CENPH: variants seen among roughly 807,000 people sequenced by gnomAD.
CENPH encodes centromere protein H, also known as CENP-H.
A neutral mutation model predicts 42.9 loss-of-function variants in CENPH; 40 were observed. The ratio of observed to expected loss-of-function variants is 0.93; its 90% CI spans 0.72 to 1.21. The LOEUF (loss-of-function observed/expected upper bound fraction) is 1.21, where lower values mean the gene tolerates loss of function less well. Ranked by LOEUF, CENPH falls within the 50% of genes most tolerant of loss-of-function variation. The pLI, the probability that CENPH is intolerant of heterozygous loss-of-function variation, is 0.00. For missense variants in CENPH, 302 were observed against 292.9 expected, an observed-to-expected ratio of 1.03 and a Z score of -0.23; for synonymous variants, 88 against 96.5, an observed-to-expected ratio of 0.91 and a Z score of 0.52.
chr5:69,197,860 C>A (rs974747188), intron 5 of CENPH, among the ~76,000 whole-genome samples: 1 of 147,216 alleles, frequency 6.8e-6, no homozygotes, highest in African/African-American at 2.5e-5. Flanking sequence ...AAAAGACTAG[C>A]AGGTCAGGTC....
intron 7 of CENPH, among the ~76,000 whole-genome samples, chr5:69,206,881 C>CT (rs1748169092): frequency 3.9e-5 from 1 of 25,348 alleles, no homozygotes; most frequent in Admixed American, 4.8e-4. Flanking sequence ...CTTGTCTATT[C>CT]CCCCATGTTT....
Position 69,195,729 on chromosome 5 carries a change from C to T in CENPH, c.252C>T (p.Asp84=), listed in dbSNP as rs1214880995. The T allele has an allele frequency of 6.4e-7, 1 of 1,554,930 alleles. No homozygotes were observed. The highest frequency in any genetic ancestry group is 2.3e-5 in the East Asian group (1 of 44,118). Residue 84 remains aspartate, a synonymous_variant, in exon 4 of 9, where the codon GAC becomes GAT. Transcript: ENST00000283006. Reference sequence around the variant, plus strand: ...GTTTCTTTGATAGTAAAATTGAAGACCTGGAAAATGAAATTGAAGAGGTAA... The same window carrying T: ...GTTTCTTTGATAGTAAAATTGAAGATCTGGAAAATGAAATTGAAGAGGTAA... ...QEKQIEAKIE[D]LENEIEEVKV...
intron 5 of CENPH, among the ~76,000 whole-genome samples, chr5:69,198,765 T>G (rs1748008364): frequency 6.6e-6 from 1 of 151,990 alleles, no homozygotes; most frequent in Non-Finnish European, 1.5e-5. Context: ...AGGCCTCATC[T>G]CTACAAAAAA....
Position 69,189,652 on chromosome 5 carries a change from G to C in CENPH, c.18G>C (p.Gln6His). The change falls in exon 1 of 9, where the codon CAG (glutamine) becomes CAC (histidine). Residue 6 changes from glutamine to histidine, a missense_variant. Gln to His is a conservative substitution (Grantham distance 24). Coordinates refer to ENST00000283006, the MANE Select transcript of CENPH (RefSeq NM_022909.4). Reference sequence around the variant, plus strand: ...AACCAGCAATGGAGGAGCAGCCCCAGATGCAAGACGCCGACGAGCCCGCGG... The same window carrying C: ...AACCAGCAATGGAGGAGCAGCCCCACATGCAAGACGCCGACGAGCCCGCGG... The part of the protein sequence containing the change: MEEQP[Q>H]MQDADEPADS... 1 of 1,601,954 alleles carries C rather than the reference G, an allele frequency of 6.2e-7. No homozygotes were observed. The highest frequency in any genetic ancestry group is 8.5e-7 in the Non-Finnish European group (1 of 1,176,322).
chr5:69,200,717 A>ATTTTTTTTTTTTTTTTT (rs1554058445), intron 5 of CENPH, among the ~76,000 whole-genome samples: 1 of 40,976 alleles, frequency 2.4e-5, no homozygotes. Flanking sequence ...GAATCAGCGT[A>ATTTTTTTTTTTTTTTTT]TCTTTTTTTT....
chr5:69,202,646 T>C, intron 6 of CENPH, 77 bp downstream of exon 6: 1 of 862,944 alleles, frequency 1.2e-6, no homozygotes, highest in South Asian at 1.5e-5. Context: ...GTATTGTATA[T>C]GATTAAATAG....
chr5:69,197,791 TTAAAG>T (rs539189825), intron 5 of CENPH, among the ~76,000 whole-genome samples: 56 of 150,462 alleles, frequency 3.7e-4, no homozygotes, highest in African/African-American at 1.3e-3. Flanking sequence ...ACCTTAAAAC[TTAAAG>T]TATAATAATA....
chr5:69,195,924 A>C (rs567040501), intron 4 of CENPH, 133 bp downstream of exon 4: 3 of 571,542 alleles, frequency 5.2e-6, no homozygotes, highest in Non-Finnish European at 9.3e-6. Flanking sequence ...TGGTCACACA[A>C]AATTTTTATT....
At chr5:69,194,453 G>T (rs1747930577) in intron 2 of CENPH, among the ~76,000 whole-genome samples, 194 bp from the exon 3 acceptor site, 1 of 152,170 alleles carries the variant, frequency 6.6e-6, no homozygotes, top group Non-Finnish European at 1.5e-5. Context: ...ATGTTAAACT[G>T]ACTGCACATT....
At chr5:69,200,584 T>C in intron 5 of CENPH, among the ~76,000 whole-genome samples, 1 of 152,092 alleles carries the variant, frequency 6.6e-6, no homozygotes, top group East Asian at 1.9e-4. Flanking sequence ...TCTCCCAGGT[T>C]TGTGCATATT....
intron 3 of CENPH, among the ~76,000 whole-genome samples, chr5:69,194,949 G>A (rs1261969711): frequency 1.3e-5 from 2 of 149,900 alleles, no homozygotes; most frequent in Non-Finnish European, 3.0e-5. Context: ...ATATTTTAGG[G>A]CCAGGCACGG....
intron 1 of CENPH, among the ~76,000 whole-genome samples, chr5:69,190,882 C>T (rs920859740): frequency 6.6e-6 from 1 of 151,514 alleles, no homozygotes; most frequent in Non-Finnish European, 1.5e-5. Flanking sequence ...TAGAGCAAGA[C>T]TCTTGACTCA....
intron 4 of CENPH, 70 bp downstream of exon 4, chr5:69,195,861 G>C: frequency 9.4e-6 from 7 of 742,342 alleles, no homozygotes; most frequent in African/African-American, 1.9e-5. Context: ...AAAGTGGAGG[G>C]AATCTTTTAA....
chr5:69,194,520 G>C (rs1372218621), intron 2 of CENPH, 127 bp from the exon 3 acceptor site: 1 of 551,622 alleles, frequency 1.8e-6, no homozygotes. Flanking sequence ...AAATTTCACT[G>C]TTTCTTTTCT....
At chr5:69,191,380 C>T (rs1484962203) in intron 1 of CENPH, among the ~76,000 whole-genome samples, 1 of 152,174 alleles carries the variant, frequency 6.6e-6, no homozygotes, top group Non-Finnish European at 1.5e-5. Flanking sequence ...GGCATGGTGG[C>T]AGGCGCCTGT....
rs779549727 is a variant in CENPH, at chr5:69,209,726, A to G, written c.671A>G (p.Lys224Arg). 2.5e-6 allele frequency: 4 copies of G among 1,599,524 alleles called. No individual in the cohort carries two copies. The Admixed American group carries it at 6.8e-5, about 27-fold the overall frequency. ...HVFQNLILGS[K>R]VNWAEDPALK... is the part of the protein sequence containing the mutation. ...TTACAGAACCTTATTTTGGGGAGTA[A>G]AGTCAATTGGGCAGAGGATCCTGCC... The change falls in exon 9 of 9, where the codon AAA (lysine) becomes AGA (arginine). Residue 224 changes from lysine (K) to arginine (R), a missense_variant. Lys to Arg is a conservative substitution (Grantham distance 26). Transcript: ENST00000283006.
At position 69,189,786 on chromosome 5, in the gene CENPH, C is replaced by T. The variant is rs776823341; in HGVS notation, c.134+18C>T. On this transcript the variant is annotated intron_variant, in intron 1 of 8. Transcript: ENST00000283006. ...CTCCTCAGGTTGTTCCCTTTGGCCT[C>T]CTCAGCCGGGGCCAAGTGGGCGTTG... 1 of 1,436,050 alleles carries T rather than the reference C, an allele frequency of 7.0e-7. No individual in the cohort carries two copies. The highest frequency in any genetic ancestry group is 1.4e-5 in the South Asian group (1 of 70,240). 89.0% of individuals were successfully genotyped at this position (1,436,050 alleles called of 1,614,324 possible). A position where few individuals can be genotyped will look rare whatever the true frequency, so the allele number is the denominator to read the frequency against.
At chr5:69,195,020 G>A (rs1440922022) in intron 3 of CENPH, among the ~76,000 whole-genome samples, 7 of 151,714 alleles carry the variant, frequency 4.6e-5, no homozygotes, top group Admixed American at 1.3e-4. Context: ...ACCCGAGGTC[G>A]GGAGTTCGAA....
intron 7 of CENPH, among the ~76,000 whole-genome samples, chr5:69,203,884 A>C (rs533347839): frequency 6.6e-6 from 1 of 150,550 alleles, no homozygotes. Flanking sequence ...ATTATAATGC[A>C]AAAGTCATGC....
Sources: gnomAD v4.1 joint callset for allele counts (sites outside exome capture counted in the v4.1 genomes callset) on GRCh38, gnomAD v4.1.1 for gene constraint, MANE v1.5 for transcripts, NCBI Gene and HGNC (gene_info 2026-07-23, HGNC 2026-07-21) for gene names.